Variants in FGD3 observed in about 807,000 individuals in gnomAD.
FGD3 encodes FYVE, RhoGEF and PH domain containing 3, also known as FYVE, RhoGEF and PH domain-containing protein 3.
Under a neutral mutation model 71.8 loss-of-function variants are expected in FGD3, and 45 were observed. That is an observed-to-expected ratio of 0.63 (90% CI 0.49 to 0.80). The LOEUF (loss-of-function observed/expected upper bound fraction) is 0.80. Among genes scored for constraint, FGD3 ranks in the 30% least tolerant of loss-of-function variants. The probability of loss-of-function intolerance (pLI) is 0.00; values close to 1 mark genes in which losing one functional copy is unlikely to be tolerated. For synonymous variants in FGD3, 378 were observed against 392.8 expected, an observed-to-expected ratio of 0.96 and a Z score of 0.44; for missense variants, 844 against 951.5, an observed-to-expected ratio of 0.89 and a Z score of 1.49.
intron 5 of FGD3, among the ~76,000 whole-genome samples, chr9:93,005,374 A>G (rs1861012577): frequency 6.6e-6 from 1 of 151,982 alleles, no homozygotes; most frequent in South Asian, 2.1e-4. Context: ...TGATCTGCCC[A>G]TCTCAGCCTC....
At chr9:92,971,561 C>CTTTT (rs1318618124) in intron 1 of FGD3, among the ~76,000 whole-genome samples, 20 of 63,264 alleles carry the variant, frequency 3.2e-4, no homozygotes, top group Non-Finnish European at 3.8e-4. Context: ...CTTTTCTTTT[C>CTTTT]TTTTCTTTTT....
chr9:93,010,674 AAC>A (rs1564161707), intron 7 of FGD3, among the ~76,000 whole-genome samples: 2 of 40,796 alleles, frequency 4.9e-5, no homozygotes, highest in Non-Finnish European at 8.0e-5. Flanking sequence ...GGGATGGAGA[AAC>A]AGACAGAGGG....
intron 3 of FGD3, among the ~76,000 whole-genome samples, chr9:92,977,847 C>T (rs1445782543): frequency 1.3e-5 from 2 of 152,136 alleles, no homozygotes; most frequent in Non-Finnish European, 2.9e-5. Flanking sequence ...ATTCTACTCC[C>T]TCACTTTTGT....
chr9:93,003,118 G>T lies in FGD3; in HGVS notation c.543+104G>T. 1.8e-6 allele frequency: 2 copies of T among 1,119,028 alleles called. No homozygotes were observed. Among genetic ancestry groups the T allele is most frequent in the Non-Finnish European group, 2.6e-6 (2 of 772,098 alleles). The allele number at this position is 1,119,028 out of a possible 1,614,324, so 69.3% of individuals were successfully genotyped here. On this transcript the variant is annotated intron_variant, in intron 4 of 17. Coordinates refer to ENST00000375482, the MANE Select transcript of FGD3 (RefSeq NM_001083536.2). This position sits in a 1 kb window ranked among gnomAD's most constrained non-coding sequence, Gnocchi z 4.1. ...AATACTAAAACTCAGACAAATTTAA[G>T]TCTGGTCTACAAACTTTTTTTTTTT...
At chr9:92,965,314 T>C (rs1034431292) in intron 1 of FGD3, among the ~76,000 whole-genome samples, 6 of 152,208 alleles carry the variant, frequency 3.9e-5, no homozygotes, top group African/African-American at 1.2e-4. Context: ...GGGCGGATGC[T>C]GGTCAGCCAT....
intron 3 of FGD3, among the ~76,000 whole-genome samples, chr9:92,992,485 A>G (rs1248539371): frequency 2.6e-5 from 4 of 152,172 alleles, no homozygotes; most frequent in Admixed American, 2.6e-4. Context: ...TTTCTGAAGA[A>G]TAGCTGGGAG....
chr9:93,015,877 G>A (rs776017782), intron 10 of FGD3, 48 bp downstream of exon 10: 3 of 1,553,170 alleles, frequency 1.9e-6, no homozygotes, highest in Admixed American at 3.3e-5. Context: ...AAGGGGCACT[G>A]AGCAGGACTG....
chr9:93,030,998 A>T (rs1375485512), intron 15 of FGD3, among the ~76,000 whole-genome samples: 1 of 151,926 alleles, frequency 6.6e-6, no homozygotes, highest in Non-Finnish European at 1.5e-5. Context: ...TGGATGGCAT[A>T]CGGAAGTATG....
chr9:93,013,146 T>C (rs937083479), intron 8 of FGD3, among the ~76,000 whole-genome samples: 1 of 152,222 alleles, frequency 6.6e-6, no homozygotes. Flanking sequence ...TCTCTGCTGC[T>C]GGCTCCTCTG....
chr9:92,947,681 C>T lies in FGD3; in HGVS notation c.-266C>T, dbSNP rs1407507038. ...GCCTGTGCGGAGCTGGGGGAGCCTC[C>T]GGCTTTCCTGTTTGCTTTGTTAATT... On this transcript the variant is annotated 5_prime_UTR_variant, in exon 1 of 18. Transcript: ENST00000375482. 4.6e-5 allele frequency: 7 copies of T among 152,354 alleles called. No homozygotes were observed. The highest frequency in any genetic ancestry group is 1.4e-4 in the African/African-American group (6 of 41,572). 9.4% of individuals were successfully genotyped at this position (152,354 alleles called of 1,614,324 possible). A position where few individuals can be genotyped will look rare whatever the true frequency, so the allele number is the denominator to read the frequency against.
chr9:93,023,224 C>T (rs1324988988), intron 14 of FGD3, among the ~76,000 whole-genome samples: 1 of 152,212 alleles, frequency 6.6e-6, no homozygotes, highest in Non-Finnish European at 1.5e-5. Flanking sequence ...TGCCCTAGCC[C>T]CATCCAAGAC....
At chr9:92,981,379 A>AG (rs951256937) in intron 3 of FGD3, among the ~76,000 whole-genome samples, 3 of 151,156 alleles carry the variant, frequency 2.0e-5, no homozygotes, top group African/African-American at 7.4e-5. Context: ...AAAAAAAAAA[A>AG]AAAAAGAAAA....
chr9:93,008,209 C>T (rs1205667641), intron 6 of FGD3, among the ~76,000 whole-genome samples: 1 of 152,166 alleles, frequency 6.6e-6, no homozygotes, highest in Non-Finnish European at 1.5e-5. Flanking sequence ...GACACCGTAA[C>T]CCTTTATCAC....
chr9:93,018,252 C>A lies in FGD3; in HGVS notation c.1355+37C>A, dbSNP rs1861781120. The stretch of plus-strand genomic sequence containing the variant: ...GCTGTTTCTAGTGAATGTCTTTGAC[C>A]TCATGTCTTCTTTTTCTAAACTGGT... On this transcript the variant is annotated intron_variant, in intron 11 of 17. Coordinates refer to ENST00000375482, the MANE Select transcript of FGD3 (RefSeq NM_001083536.2). 3 of 1,548,676 alleles carry A rather than the reference C, an allele frequency of 1.9e-6. No individual in the cohort carries two copies. The African/African-American group carries it at 4.1e-5, about 21-fold the overall frequency.
intron 8 of FGD3, among the ~76,000 whole-genome samples, chr9:93,013,301 G>C (rs759547250): frequency 6.6e-6 from 1 of 152,250 alleles, no homozygotes; most frequent in Non-Finnish European, 1.5e-5. Flanking sequence ...AGCAGGTACA[G>C]ACTCAGACAT....
At position 93,034,308 on chromosome 9, in the gene FGD3, T is replaced by C. The variant is rs571518504; in HGVS notation, c.1786-233T>C. ...GACCCAGCATATGGATGCCCTCCCC[T>C]TGGAGGGCCCAGCCTGCAAACCCCA... On this transcript the variant is annotated intron_variant, in intron 16 of 17. Coordinates refer to ENST00000375482, the MANE Select transcript of FGD3 (RefSeq NM_001083536.2). 7.3e-5 allele frequency: 35 copies of C among 482,156 alleles called. No homozygotes were observed. In the South Asian group the frequency reaches 1.0e-3, roughly 14 times the overall value. 29.9% of individuals were successfully genotyped at this position (482,156 alleles called of 1,614,324 possible). A position where few individuals can be genotyped will look rare whatever the true frequency, so the allele number is the denominator to read the frequency against.
chr9:93,034,772 G>T, intron 17 of FGD3, 91 bp downstream of exon 17: 3 of 1,416,074 alleles, frequency 2.1e-6, no homozygotes, highest in Non-Finnish European at 2.8e-6. Context: ...ACCAGCTGGG[G>T]TCCACCTGCT....
intron 1 of FGD3, among the ~76,000 whole-genome samples, chr9:92,961,980 C>T (rs1420573828): frequency 1.3e-5 from 2 of 152,222 alleles, no homozygotes; most frequent in East Asian, 1.9e-4. Flanking sequence ...GTAGTGTCCA[C>T]AGGTCAGCTC....
At chr9:92,962,831 C>T (rs1859195275) in intron 1 of FGD3, among the ~76,000 whole-genome samples, 2 of 150,672 alleles carry the variant, frequency 1.3e-5, no homozygotes, top group South Asian at 2.1e-4. Context: ...ATCCCAGCTA[C>T]TTGGAAGGAT....
Sources: allele counts gnomAD v4.1 joint callset (sites outside exome capture counted in the v4.1 genomes callset), GRCh38; gene constraint gnomAD v4.1.1; non-coding constraint Gnocchi (gnomAD v3.1); transcripts MANE v1.5; gene names NCBI Gene and HGNC (gene_info 2026-07-23, HGNC 2026-07-21).